Variants in WDSUB1 observed in about 807,000 individuals in gnomAD.
The protein encoded by WDSUB1 is WD repeat, sterile alpha motif and U-box domain containing 1.
A neutral mutation model predicts 53.9 loss-of-function variants in WDSUB1; 49 were observed. That is an observed-to-expected ratio of 0.91 (90% CI 0.72 to 1.15). The LOEUF (loss-of-function observed/expected upper bound fraction) is 1.15. WDSUB1 is among the 50% of genes most tolerant of loss of function. The pLI is 0.00. For missense variants in WDSUB1, 514 were observed against 562.0 expected (o/e 0.91, Z 0.86); for synonymous variants, 194 against 200.6 (o/e 0.97, Z 0.28).
intron 2 of WDSUB1, among the ~76,000 whole-genome samples, chr2:159,281,892 G>A (rs879296766): frequency 2.0e-5 from 3 of 152,122 alleles, no homozygotes; most frequent in Admixed American, 6.5e-5. Flanking sequence ...CAGGAGAATC[G>A]CTTGAACCTG....
At chr2:159,266,516 G>A (rs1321503815) in intron 5 of WDSUB1, among the ~76,000 whole-genome samples, 2 of 152,110 alleles carry the variant, frequency 1.3e-5, no homozygotes, top group African/African-American at 2.4e-5. Flanking sequence ...GAATGTGAAG[G>A]AATCTTAAGA....
intron 10 of WDSUB1, 95 bp from the exon 11 acceptor site, chr2:159,236,285 T>C: frequency 8.4e-7 from 1 of 1,194,406 alleles, no homozygotes; most frequent in African/African-American, 1.5e-5. Context: ...GCAGAGGCCT[T>C]TATTGTGACT....
intron 10 of WDSUB1, 100 bp from the exon 11 acceptor site, chr2:159,236,290 G>T (rs1289361453): frequency 2.6e-6 from 3 of 1,157,514 alleles, no homozygotes; most frequent in African/African-American, 3.1e-5. Flanking sequence ...GGCCTTTATT[G>T]TGACTTAAGG....
chr2:159,262,429 T>C (rs1553456838), intron 5 of WDSUB1, among the ~76,000 whole-genome samples: 1 of 151,978 alleles, frequency 6.6e-6, no homozygotes, highest in Non-Finnish European at 1.5e-5. Flanking sequence ...GGCAGTGGAA[T>C]AAGTTCACTT....
intron 8 of WDSUB1, among the ~76,000 whole-genome samples, chr2:159,256,842 G>A (rs931899295): frequency 6.6e-6 from 1 of 152,048 alleles, no homozygotes; most frequent in African/African-American, 2.4e-5. Flanking sequence ...CGATAATTTC[G>A]ATTTTGTCCT....
At chr2:159,282,613 T>G in intron 2 of WDSUB1, 59 bp downstream of exon 2, 4 of 1,533,824 alleles carry the variant, frequency 2.6e-6, no homozygotes, top group Admixed American at 2.0e-5. Flanking sequence ...TTGCTTTCAG[T>G]TTTTTTTAAG....
At chr2:159,266,296 C>T (rs1163758347) in intron 5 of WDSUB1, among the ~76,000 whole-genome samples, 2 of 152,050 alleles carry the variant, frequency 1.3e-5, no homozygotes, top group East Asian at 1.9e-4. Flanking sequence ...TCACGCCACT[C>T]TCCTGCCTCA....
intron 4 of WDSUB1, among the ~76,000 whole-genome samples, chr2:159,275,176 A>C (rs1345292461): frequency 9.2e-5 from 14 of 152,232 alleles, no homozygotes; most frequent in Admixed American, 9.2e-4. Context: ...GGGTCACCTG[A>C]TGGAATAGTA....
At chr2:159,242,837 T>TAAA (rs1197304133) in intron 10 of WDSUB1, among the ~76,000 whole-genome samples, 1 of 147,864 alleles carries the variant, frequency 6.8e-6, no homozygotes, top group East Asian at 2.1e-4. Context: ...AATTTAAAAG[T>TAAA]ATGAATAAAA....
At chr2:159,258,723 G>A (rs1402852967) in intron 6 of WDSUB1, among the ~76,000 whole-genome samples, 2 of 152,134 alleles carry the variant, frequency 1.3e-5, no homozygotes, top group African/African-American at 4.8e-5. Context: ...CATTTTAGGT[G>A]TATTTAAGTG....
chr2:159,272,508 AC>A (rs2061463924), intron 4 of WDSUB1, among the ~76,000 whole-genome samples: 1 of 152,158 alleles, frequency 6.6e-6, no homozygotes, highest in South Asian at 2.1e-4. Flanking sequence ...TGTGTTTGTT[AC>A]CCTGTCTCAC....
intron 4 of WDSUB1, among the ~76,000 whole-genome samples, chr2:159,273,951 A>G (rs984943374): frequency 6.6e-6 from 1 of 152,218 alleles, no homozygotes. Flanking sequence ...GTAACAAATA[A>G]TAATATTCTG....
chr2:159,239,314 G>A (rs1261303015), intron 10 of WDSUB1, among the ~76,000 whole-genome samples: 2 of 137,480 alleles, frequency 1.5e-5, no homozygotes, highest in Non-Finnish European at 3.0e-5. Context: ...GCCAAGTTTA[G>A]GTCTCATTTG....
intron 7 of WDSUB1, 31 bp from the exon 8 acceptor site, chr2:159,257,895 TCTGA>T (rs1458573945): frequency 1.6e-5 from 25 of 1,610,532 alleles, no homozygotes; most frequent in South Asian, 4.4e-5. Flanking sequence ...TTATGTATCT[TCTGA>T]CTAATTTTTA....
intron 9 of WDSUB1, among the ~76,000 whole-genome samples, chr2:159,250,227 TAGC>T (rs2060921641): frequency 6.6e-6 from 1 of 152,102 alleles, no homozygotes; most frequent in Non-Finnish European, 1.5e-5. Flanking sequence ...CAAGTTACCC[TAGC>T]AGCTTCCTGC....
At chr2:159,247,924 T>A (rs796570366) in intron 10 of WDSUB1, among the ~76,000 whole-genome samples, 10 of 74,794 alleles carry the variant, frequency 1.3e-4, no homozygotes, top group African/African-American at 7.6e-4. Flanking sequence ...TATATATATA[T>A]ATAAATATAT....
intron 5 of WDSUB1, among the ~76,000 whole-genome samples, chr2:159,269,066 G>A (rs2061398767): frequency 6.6e-6 from 1 of 151,944 alleles, no homozygotes; most frequent in Non-Finnish European, 1.5e-5. Flanking sequence ...CCTTTAATTG[G>A]AATCCCAGAA....
intron 6 of WDSUB1, among the ~76,000 whole-genome samples, chr2:159,258,217 T>A (rs960919143): frequency 1.3e-5 from 2 of 152,224 alleles, no homozygotes; most frequent in Non-Finnish European, 2.9e-5. Flanking sequence ...GCTAGCCACC[T>A]CCTTAGAAAT....
chr2:159,250,708 G>T (rs2060932009), intron 9 of WDSUB1, among the ~76,000 whole-genome samples: 1 of 152,148 alleles, frequency 6.6e-6, no homozygotes, highest in African/African-American at 2.4e-5. Flanking sequence ...TGTATTCTAA[G>T]CTAAGTAAGG....
Sources: allele counts gnomAD v4.1 joint callset (sites outside exome capture counted in the v4.1 genomes callset), GRCh38; gene constraint gnomAD v4.1.1; transcripts MANE v1.5; gene names NCBI Gene and HGNC (gene_info 2026-07-23, HGNC 2026-07-21).